Variants in FARSB observed in about 807,000 individuals in gnomAD.
FARSB encodes phenylalanine--tRNA ligase beta subunit.
Under a neutral mutation model 69.6 loss-of-function variants are expected in FARSB, and 40 were observed. That is an observed-to-expected ratio of 0.57 (90% CI 0.45 to 0.75). The LOEUF (loss-of-function observed/expected upper bound fraction) is 0.75, where lower values mean the gene tolerates loss of function less well. FARSB is among the 30% of genes least tolerant of loss of function. The probability of loss-of-function intolerance (pLI) is 0.00; values close to 1 mark genes in which losing one functional copy is unlikely to be tolerated. For synonymous variants in FARSB, 235 were observed against 247.2 expected (o/e 0.95, Z 0.46); for missense variants, 632 against 722.9 (o/e 0.87, Z 1.44).
chr2:222,624,541 G>A (rs1691218838), intron 11 of FARSB, 62 bp from the exon 12 acceptor site: 2 of 1,181,550 alleles, frequency 1.7e-6, no homozygotes, highest in Admixed American at 1.8e-5. Context: ...TTTACATTGT[G>A]TTTCAACATA....
chr2:222,594,511 T>C (rs1054568678), intron 16 of FARSB, among the ~76,000 whole-genome samples: 1 of 152,188 alleles, frequency 6.6e-6, no homozygotes, highest in Non-Finnish European at 1.5e-5. Flanking sequence ...TTACTATTTT[T>C]ATGTATACAG....
At chr2:222,617,733 A>C (rs913850022) in intron 14 of FARSB, among the ~76,000 whole-genome samples, 1 of 152,158 alleles carries the variant, frequency 6.6e-6, no homozygotes, top group Non-Finnish European at 1.5e-5. Flanking sequence ...AAGTACAAAA[A>C]TTAGCAAGGT....
chr2:222,626,243 C>CAAAAAAAAAA (rs36117232), intron 10 of FARSB, among the ~76,000 whole-genome samples: 1 of 56,972 alleles, frequency 1.8e-5, no homozygotes, highest in African/African-American at 6.6e-5. Flanking sequence ...GACTCCATCT[C>CAAAAAAAAAA]AAAAAAAAAA....
intron 1 of FARSB, among the ~76,000 whole-genome samples, chr2:222,655,752 C>G (rs1401102896): frequency 6.6e-6 from 1 of 152,256 alleles, no homozygotes; most frequent in Non-Finnish European, 1.5e-5. Flanking sequence ...ATGTCGGTGC[C>G]AGGCACGCTG....
At chr2:222,632,134 T>A (rs1375505637) in intron 7 of FARSB, among the ~76,000 whole-genome samples, 1 of 150,132 alleles carries the variant, frequency 6.7e-6, no homozygotes, top group Non-Finnish European at 1.5e-5. Context: ...CTCAAAAAAA[T>A]AAAAATAATA....
chr2:222,567,138 TG>T lies in FARSB; in HGVS notation c.*4732del, dbSNP rs1416678351. 2.0e-5 allele frequency: 3 copies of T among 152,258 alleles called. No homozygotes were observed. The highest frequency in any genetic ancestry group is 2.9e-5 in the Non-Finnish European group (2 of 68,054). The allele number at this position is 152,258 out of a possible 1,614,324, so 9.4% of individuals were successfully genotyped here. ...GCCTTTCATGAGGGCCTCCCTCTCATGACCTCATCTAGCTCTAATCACCTGC... is the reference window on the plus strand; with the variant it reads ...GCCTTTCATGAGGGCCTCCCTCTCATACCTCATCTAGCTCTAATCACCTGC... On this transcript the variant is annotated 3_prime_UTR_variant, in exon 17 of 17. Transcript: ENST00000281828.
chr2:222,579,103 A>G (rs1158913545), intron 16 of FARSB, among the ~76,000 whole-genome samples: 3 of 152,082 alleles, frequency 2.0e-5, no homozygotes, highest in Non-Finnish European at 2.9e-5. Flanking sequence ...CAAGTTACAG[A>G]TGGGAAAAAG....
At chr2:222,642,144 G>A (rs541105237) in intron 3 of FARSB, among the ~76,000 whole-genome samples, 151 of 152,152 alleles carry the variant, frequency 9.9e-4, no homozygotes, top group Non-Finnish European at 1.9e-3. Context: ...GGGATTACAG[G>A]TGCACGCCAC....
Position 222,600,017 on chromosome 2 carries a change from A to C in FARSB, c.1529T>G (p.Ile510Ser), listed in dbSNP as rs745671879. ...VYYNKNPGFE[I>S]IHGLLDRIMQ... ...AATTCTGTCCAGCAGCCCATGAATG[A>C]TCTCAAACCCAGGATTCTTGTTGTA... Residue 510 changes from isoleucine (I) to serine (S), a missense_variant, in exon 16 of 17, where the codon ATC (isoleucine) becomes AGC (serine). Physicochemically the swap from Ile to Ser is moderately radical, Grantham distance 142 (BLOSUM62 -2). Transcript: ENST00000281828. 6.2e-6 allele frequency: 10 copies of C among 1,612,248 alleles called. No homozygotes were observed. The Admixed American group carries it at 1.7e-4, about 27-fold the overall frequency.
At chr2:222,639,250 A>AAAC (rs1179387178) in intron 5 of FARSB, among the ~76,000 whole-genome samples, 1 of 152,212 alleles carries the variant, frequency 6.6e-6, no homozygotes, top group Admixed American at 6.5e-5. Context: ...ATCTGAACCA[A>AAAC]AACAACAACA....
At chr2:222,637,395 C>G (rs1027190274) in intron 5 of FARSB, among the ~76,000 whole-genome samples, 1 of 152,110 alleles carries the variant, frequency 6.6e-6, no homozygotes, top group Non-Finnish European at 1.5e-5. Flanking sequence ...GAGAGCTACA[C>G]AGAGAGAGAA....
At chr2:222,575,148 G>T (rs1689804141) in intron 16 of FARSB, among the ~76,000 whole-genome samples, 1 of 152,176 alleles carries the variant, frequency 6.6e-6, no homozygotes, top group African/African-American at 2.4e-5. Context: ...CTCCACTGTT[G>T]GCAGAAAGGG....
chr2:222,609,852 T>C (rs1184176987), intron 15 of FARSB, among the ~76,000 whole-genome samples: 1 of 152,184 alleles, frequency 6.6e-6, no homozygotes, highest in African/African-American at 2.4e-5. Context: ...ACTGGTCACA[T>C]AAAATGTGTG....
In FARSB at chr2:222,642,910, AT is replaced by A; in HGVS notation, c.209del (p.Asn70IlefsTer22). On this transcript the variant is annotated frameshift_variant, in exon 3 of 17. Transcript: ENST00000281828. LOFTEE classifies it high-confidence loss of function. ...VVLYKIDVPA[N>X]RYDLLCLEGL... is the part of the protein sequence containing the mutation. Reference sequence around the variant, plus strand: ...CTTCCAGACACAGGAGATCATATCTATTGGCAGGGACGTCAATTTTGTAAAG... The same window carrying A: ...CTTCCAGACACAGGAGATCATATCTATGGCAGGGACGTCAATTTTGTAAAG... The A allele has an allele frequency of 6.2e-7, 1 of 1,613,244 alleles. No homozygotes were observed. The highest frequency in any genetic ancestry group is 8.5e-7 in the Non-Finnish European group (1 of 1,179,242).
At chr2:222,612,231 C>T (rs1403961972) in intron 15 of FARSB, among the ~76,000 whole-genome samples, 1 of 152,162 alleles carries the variant, frequency 6.6e-6, no homozygotes, top group Non-Finnish European at 1.5e-5. Context: ...GTAAATTTAC[C>T]ACCTAAAGAA....
chr2:222,618,124 A>T (rs1274218212), intron 14 of FARSB, among the ~76,000 whole-genome samples: 1 of 152,160 alleles, frequency 6.6e-6, no homozygotes, highest in Non-Finnish European at 1.5e-5. Flanking sequence ...CAATCCTTCC[A>T]AAATTAGTAT....
intron 2 of FARSB, among the ~76,000 whole-genome samples, chr2:222,643,876 A>C (rs919957185): frequency 1.3e-5 from 2 of 152,238 alleles, no homozygotes; most frequent in African/African-American, 2.4e-5. Context: ...AGATTTTCTT[A>C]AACATAACCA....
chr2:222,596,953 T>G (rs1222737015), intron 16 of FARSB, among the ~76,000 whole-genome samples: 2 of 152,184 alleles, frequency 1.3e-5, no homozygotes, highest in African/African-American at 4.8e-5. Context: ...TACTTGCCAT[T>G]AGATAATCAA....
At chr2:222,604,967 C>T (rs1414830210) in intron 15 of FARSB, among the ~76,000 whole-genome samples, 3 of 139,238 alleles carry the variant, frequency 2.2e-5, no homozygotes, top group African/African-American at 7.6e-5. Context: ...GACAGTGGGC[C>T]ATATCTATGC....
Sources: gnomAD v4.1 joint callset for allele counts (sites outside exome capture counted in the v4.1 genomes callset) on GRCh38, gnomAD v4.1.1 for gene constraint, MANE v1.5 for transcripts, NCBI Gene and HGNC (gene_info 2026-07-23, HGNC 2026-07-21) for gene names.